Variants in PTN observed in about 807,000 individuals in gnomAD.
The protein encoded by PTN is pleiotrophin, also known as heparin affin regulatory protein.
Under a neutral mutation model 24.1 loss-of-function variants are expected in PTN, and 18 were observed. The observed-to-expected ratio is 0.75, with a 90% CI of 0.52 to 1.11. The LOEUF (loss-of-function observed/expected upper bound fraction) is 1.11. Ranked by LOEUF, PTN falls within the 50% of genes least tolerant of loss-of-function variation. PTN has a pLI of 0.00. For missense variants in PTN, 163 were observed against 198.8 expected (o/e 0.82, Z 1.08); for synonymous variants, 78 against 68.6 (o/e 1.14, Z -0.67).
chr7:137,276,388 A>G (rs1156431229), intron 1 of PTN, among the ~76,000 whole-genome samples: 1 of 152,212 alleles, frequency 6.6e-6, no homozygotes, highest in African/African-American at 2.4e-5. Flanking sequence ...AAGAGAAACT[A>G]TTAGAACAGT....
At chr7:137,251,155 G>T in intron 4 of PTN, 75 bp downstream of exon 4, 1 of 1,516,252 alleles carries the variant, frequency 6.6e-7, no homozygotes, top group Non-Finnish European at 9.1e-7. Context: ...ATTTCCTTCT[G>T]GAAAATGTGG....
At chr7:137,266,384 C>A (rs1163559211) in intron 1 of PTN, among the ~76,000 whole-genome samples, 4 of 152,150 alleles carry the variant, frequency 2.6e-5, no homozygotes, top group African/African-American at 9.6e-5. Context: ...TCCTTATACA[C>A]CTTGCACATA....
chr7:137,281,471 G>C (rs1186664037), intron 1 of PTN, among the ~76,000 whole-genome samples: 1 of 152,116 alleles, frequency 6.6e-6, no homozygotes, highest in Non-Finnish European at 1.5e-5. Flanking sequence ...TGCTGTGCAA[G>C]GCTACTCTCA....
rs1431635224 is a variant in PTN, at chr7:137,239,407, T to TTTATTTA, written c.452-11333_452-11332insTAAATAA. 8.2e-3 allele frequency among the ~76,000 whole-genome samples: 1,178 copies of TTTATTTA among 143,122 alleles called. 11 individuals carry two copies. Among genetic ancestry groups the TTTATTTA allele is most frequent in the African/African-American group, 0.027 (1,057 of 39,720 alleles). 93.9% of individuals were successfully genotyped at this position (143,122 alleles called of 152,430 possible). A position where few individuals can be genotyped will look rare whatever the true frequency, so the allele number is the denominator to read the frequency against. ...ATTTATTTATTTATTTATTTATTTA[T>TTTATTTA]TTATTATTATACTTTAAGTTTTAGG... On this transcript the variant is annotated intron_variant, in intron 4 of 4. Coordinates refer to ENST00000348225, the MANE Select transcript of PTN (RefSeq NM_002825.7).
At chr7:137,315,953 CA>C (rs1810064653) in intron 1 of PTN, among the ~76,000 whole-genome samples, 1 of 152,014 alleles carries the variant, frequency 6.6e-6, no homozygotes. Context: ...TTTTAAGTAG[CA>C]AAAACCTCCT....
chr7:137,327,063 G>A (rs1478773585), intron 1 of PTN: 1 of 152,184 alleles, frequency 6.6e-6, no homozygotes, highest in Admixed American at 6.6e-5. Context: ...TCACGGACGT[G>A]ACGGTATTTA....
intron 1 of PTN, chr7:137,326,823 C>T (rs1220736489): frequency 6.6e-6 from 1 of 152,190 alleles, no homozygotes; most frequent in Non-Finnish European, 1.5e-5. Flanking sequence ...TGCCTGCCTG[C>T]TCCCCCCAAT....
chr7:137,322,499 C>T (rs1701568293), intron 1 of PTN, among the ~76,000 whole-genome samples: 4 of 151,946 alleles, frequency 2.6e-5, no homozygotes, highest in Admixed American at 2.6e-4. Flanking sequence ...TTAAGATCAA[C>T]CTTAATTATC....
chr7:137,342,589 G>A (rs756416603), intron 1 of PTN, among the ~76,000 whole-genome samples: 2 of 152,046 alleles, frequency 1.3e-5, no homozygotes, highest in African/African-American at 2.4e-5. Flanking sequence ...GTGTGTGTAT[G>A]GAGAGGAGAG....
At chr7:137,339,615 G>A (rs1005249895) in intron 1 of PTN, among the ~76,000 whole-genome samples, 5 of 149,006 alleles carry the variant, frequency 3.4e-5, no homozygotes, top group Non-Finnish European at 4.5e-5. Context: ...AATCAGTAGA[G>A]AGGGCACTGG....
intron 1 of PTN, among the ~76,000 whole-genome samples, chr7:137,267,192 C>A (rs1408949699): frequency 6.6e-6 from 1 of 152,034 alleles, no homozygotes; most frequent in East Asian, 1.9e-4. Flanking sequence ...CTCTGACTTT[C>A]CTTTTGCCTT....
At position 137,251,210 on chromosome 7, in the gene PTN, G is replaced by T; in HGVS notation, c.451+20C>A. 6.2e-7 allele frequency: 1 copy of T among 1,611,590 alleles called. No homozygotes were observed. On this transcript the variant is annotated intron_variant, in intron 4 of 4. Coordinates refer to ENST00000348225, the MANE Select transcript of PTN (RefSeq NM_002825.7). ...AGTCCATCAATCCATTAAAATTGTG[G>T]TATAATGGCAAGGACTTACCTTGAG...
chr7:137,296,696 G>A (rs1809723374), intron 1 of PTN, among the ~76,000 whole-genome samples: 1 of 152,096 alleles, frequency 6.6e-6, no homozygotes, highest in Admixed American at 6.6e-5. Context: ...GTTGAAGCTT[G>A]TTGAAACAGA....
intron 1 of PTN, among the ~76,000 whole-genome samples, chr7:137,311,315 G>T (rs770927459): frequency 1.3e-5 from 2 of 151,460 alleles, no homozygotes; most frequent in Non-Finnish European, 2.9e-5. Flanking sequence ...TGTTGTGATT[G>T]GTTTGAACTT....
chr7:137,254,353 G>T (rs895231114), intron 2 of PTN, among the ~76,000 whole-genome samples: 1 of 151,900 alleles, frequency 6.6e-6, no homozygotes, highest in African/African-American at 2.4e-5. Flanking sequence ...GTAAGTTGTT[G>T]TTCCTTTCTC....
intron 1 of PTN, among the ~76,000 whole-genome samples, chr7:137,258,796 T>C (rs975412349): frequency 6.6e-6 from 1 of 152,112 alleles, no homozygotes; most frequent in Non-Finnish European, 1.5e-5. Flanking sequence ...GCAAAAGCTC[T>C]TCCTGTATGA....
intron 1 of PTN, among the ~76,000 whole-genome samples, chr7:137,330,937 A>G (rs1261873609): frequency 1.3e-5 from 2 of 152,280 alleles, no homozygotes; most frequent in East Asian, 3.9e-4. Flanking sequence ...GGCATGCTCA[A>G]TACTTCCTTT....
chr7:137,336,220 ACAT>A (rs1810446264), intron 1 of PTN, among the ~76,000 whole-genome samples: 2 of 152,118 alleles, frequency 1.3e-5, no homozygotes, highest in African/African-American at 4.8e-5. Flanking sequence ...AAAACAAGTA[ACAT>A]CATCATCATT....
chr7:137,322,070 C>A (rs1423461890), intron 1 of PTN, among the ~76,000 whole-genome samples: 2 of 152,142 alleles, frequency 1.3e-5, no homozygotes, highest in Non-Finnish European at 2.9e-5. Context: ...AAACCACCAC[C>A]CCTCCTTCCC....
Sources: allele counts gnomAD v4.1 joint callset (sites outside exome capture counted in the v4.1 genomes callset), GRCh38; gene constraint gnomAD v4.1.1; transcripts MANE v1.5; gene names NCBI Gene and HGNC (gene_info 2026-07-23, HGNC 2026-07-21).